The following DSCAM variants were observed in gnomAD, a reference collection of about 807,000 sequenced individuals.
The protein encoded by DSCAM is cell adhesion molecule DSCAM.
DSCAM carries 47 observed loss-of-function variants against 217.7 expected under a neutral mutation model. That is an observed-to-expected ratio of 0.22 (90% CI 0.17 to 0.28). The LOEUF (loss-of-function observed/expected upper bound fraction) is 0.28. Ranked by LOEUF, DSCAM falls within the 10% of genes least tolerant of loss-of-function variation. DSCAM has a pLI of 1.00. For missense variants in DSCAM, 2,080 were observed against 2,618.3 expected, an observed-to-expected ratio of 0.79 and a Z score of 4.49; for synonymous variants, 1,056 against 1,015.3, an observed-to-expected ratio of 1.04 and a Z score of -0.76.
chr21:40,183,576 T>C (rs1383314188), intron 14 of DSCAM, among the ~76,000 whole-genome samples: 3 of 152,178 alleles, frequency 2.0e-5, no homozygotes, highest in Admixed American at 6.5e-5. Context: ...TGTCAAATCC[T>C]GGGAGGACTG....
chr21:40,228,094 A>T (rs952014303), intron 11 of DSCAM, among the ~76,000 whole-genome samples: 4 of 152,114 alleles, frequency 2.6e-5, no homozygotes, highest in Non-Finnish European at 4.4e-5. Flanking sequence ...GGCTGAGGTT[A>T]TGAGAGTTTT....
chr21:40,305,610 T>G (rs947976084), intron 9 of DSCAM, among the ~76,000 whole-genome samples: 1 of 152,140 alleles, frequency 6.6e-6, no homozygotes, highest in Non-Finnish European at 1.5e-5. Flanking sequence ...CTTGAATTAA[T>G]TTTTTGTATA....
chr21:40,508,760 TATATATATATATATATATATA>T (rs1568862984), intron 3 of DSCAM, among the ~76,000 whole-genome samples: 52 of 5,080 alleles, frequency 0.01, 1 homozygote, highest in Non-Finnish European at 0.012. Flanking sequence ...TATATATATA[TATATATATATATATATATATA>T]TATTTTTTTT....
rs73362374 is a variant in DSCAM, at chr21:40,827,815, G to A, written c.43+18804C>T. ...GTTCAACTCATGTGATAAGAAGCATGAGCAACAAGCTGTGTTTGAGGCAAG... is the reference window on the plus strand; with the variant it reads ...GTTCAACTCATGTGATAAGAAGCATAAGCAACAAGCTGTGTTTGAGGCAAG... On this transcript the variant is annotated intron_variant, in intron 1 of 32. Transcript: ENST00000400454. Among the ~76,000 whole-genome samples, 1,183 of 152,302 alleles carry A rather than the reference G, an allele frequency of 7.8e-3. 12 individuals carry two copies. The highest frequency in any genetic ancestry group is 0.027 in the African/African-American group (1,120 of 41,568).
intron 3 of DSCAM, among the ~76,000 whole-genome samples, chr21:40,545,938 A>G (rs1186953717): frequency 6.6e-6 from 1 of 152,200 alleles, no homozygotes; most frequent in African/African-American, 2.4e-5. Flanking sequence ...TACCAGTGGG[A>G]AACCTTGGTG....
chr21:40,149,678 C>A (rs541797323), intron 16 of DSCAM, among the ~76,000 whole-genome samples: 10 of 148,218 alleles, frequency 6.7e-5, no homozygotes, highest in Admixed American at 6.0e-4. Flanking sequence ...ACTATCCCAA[C>A]ACCACCATCA....
At chr21:40,287,481 G>A (rs1015420301) in intron 10 of DSCAM, among the ~76,000 whole-genome samples, 3 of 152,222 alleles carry the variant, frequency 2.0e-5, no homozygotes, top group Non-Finnish European at 4.4e-5. Context: ...GGATCAAGGT[G>A]AGCCTTTCCA....
chr21:40,823,479 T>C (rs2091945850), intron 1 of DSCAM, among the ~76,000 whole-genome samples: 1 of 152,142 alleles, frequency 6.6e-6, no homozygotes, highest in Non-Finnish European at 1.5e-5. Context: ...TTTTTCAGGA[T>C]ATGAATGAGG....
intron 9 of DSCAM, among the ~76,000 whole-genome samples, chr21:40,301,943 G>A (rs2074021288): frequency 6.6e-6 from 1 of 152,196 alleles, no homozygotes; most frequent in Non-Finnish European, 1.5e-5. Flanking sequence ...CTCTGGCCAA[G>A]AAGATACAGA....
At chr21:40,766,331 G>GTATA (rs141505117) in intron 1 of DSCAM, among the ~76,000 whole-genome samples, 3 of 148,220 alleles carry the variant, frequency 2.0e-5, no homozygotes, top group Admixed American at 6.7e-5. Flanking sequence ...TGGTATGTGT[G>GTATA]TATATATATA....
chr21:40,464,172 C>T (rs9976484), intron 3 of DSCAM, among the ~76,000 whole-genome samples: 2,147 of 152,336 alleles, frequency 0.014, 27 homozygotes, highest in Non-Finnish European at 0.024. Context: ...CTGCTTCCTT[C>T]ACACCTCTAC....
Position 40,126,087 on chromosome 21 carries a change from T to C in DSCAM, c.3563-1759A>G, listed in dbSNP as rs148889827. On this transcript the variant is annotated intron_variant, in intron 19 of 32. Transcript: ENST00000400454. ...TGGGTAGTACTGTAAGTTAATTAAT[T>C]ACGTAAACCAATGAAATTCAAGTGC... 5.7e-3 allele frequency among the ~76,000 whole-genome samples: 863 copies of C among 152,316 alleles called. 12 individuals are homozygous for C. Among genetic ancestry groups the C allele is most frequent in the African/African-American group, 0.02 (822 of 41,568 alleles).
chr21:40,743,767 T>A (rs1381395518), intron 1 of DSCAM, among the ~76,000 whole-genome samples: 5 of 152,212 alleles, frequency 3.3e-5, no homozygotes, highest in Non-Finnish European at 7.3e-5. Flanking sequence ...TTTCTCAAAA[T>A]TTTTCTTTGT....
At chr21:40,273,938 C>T (rs189563437) in intron 11 of DSCAM, among the ~76,000 whole-genome samples, 203 of 152,228 alleles carry the variant, frequency 1.3e-3, no homozygotes, top group African/African-American at 4.6e-3. Flanking sequence ...ATCACACTGG[C>T]GGTAAGATTT....
intron 11 of DSCAM, among the ~76,000 whole-genome samples, chr21:40,230,661 T>G (rs1323933512): frequency 6.6e-6 from 1 of 152,250 alleles, no homozygotes; most frequent in African/African-American, 2.4e-5. Flanking sequence ...TTTACTTAGT[T>G]AAAAATATTG....
chr21:40,648,375 C>A (rs1198091339), intron 3 of DSCAM, among the ~76,000 whole-genome samples: 1 of 151,970 alleles, frequency 6.6e-6, no homozygotes, highest in African/African-American at 2.4e-5. Context: ...GGTGATCTCT[C>A]GTTTGGGCAG....
intron 5 of DSCAM, among the ~76,000 whole-genome samples, chr21:40,348,820 T>C (rs1434659898): frequency 6.6e-6 from 1 of 152,080 alleles, no homozygotes. Flanking sequence ...GGAGTCTCTG[T>C]GAGGATGTTG....
At chr21:40,369,681 T>C (rs1044344475) in intron 3 of DSCAM, among the ~76,000 whole-genome samples, 1 of 152,112 alleles carries the variant, frequency 6.6e-6, no homozygotes, top group Non-Finnish European at 1.5e-5. Flanking sequence ...CTCTAGCTTA[T>C]GAAAGTATAA....
intron 16 of DSCAM, among the ~76,000 whole-genome samples, chr21:40,163,070 AACACACACACACACACACAC>A (rs3069756): frequency 1.4e-5 from 2 of 143,128 alleles, no homozygotes; most frequent in East Asian, 2.0e-4. Context: ...GACCATGGCA[AACACACACACACACACACAC>A]ACACACACAC....
Sources: gnomAD v4.1 joint callset for allele counts (sites outside exome capture counted in the v4.1 genomes callset) on GRCh38, gnomAD v4.1.1 for gene constraint, MANE v1.5 for transcripts, NCBI Gene and HGNC (gene_info 2026-07-23, HGNC 2026-07-21) for gene names.